Variants in SLC35F3 observed in about 807,000 individuals in gnomAD.
SLC35F3 encodes putative thiamine transporter SLC35F3.
Under a neutral mutation model 49.9 loss-of-function variants are expected in SLC35F3, and 25 were observed. The observed-to-expected ratio is 0.50, with a 90% CI of 0.37 to 0.70. The LOEUF (loss-of-function observed/expected upper bound fraction) is 0.70. SLC35F3 is among the 30% of genes least tolerant of loss of function. The pLI is 0.00. For missense variants in SLC35F3, 525 were observed against 639.8 expected (o/e 0.82, Z 1.94); for synonymous variants, 275 against 265.4 (o/e 1.04, Z -0.35).
At position 233,912,578 on chromosome 1, in the gene SLC35F3, C is replaced by T. The variant is rs74675420; in HGVS notation, c.283+6820C>T. 8.4e-4 allele frequency among the ~76,000 whole-genome samples: 128 copies of T among 152,300 alleles called. 2 individuals carry two copies. In the East Asian group the frequency reaches 0.022, roughly 26 times the overall value. On this transcript the variant is annotated intron_variant, in intron 2 of 7. Transcript: ENST00000366618. ...TGAAGATTAAATGAAATACAGTAGT[C>T]CCGCTTTATCGGAGGGAGAATGCAT...
chr1:234,214,797 G>A lies in SLC35F3; in HGVS notation c.284-16620G>A. ...GCAGGAGTGAGCTGCTGCGGCGAGTGAGCACCCGGCTCCCCAACCCTCTCC... is the reference window on the plus strand; with the variant it reads ...GCAGGAGTGAGCTGCTGCGGCGAGTAAGCACCCGGCTCCCCAACCCTCTCC... On this transcript the variant is annotated intron_variant, in intron 2 of 7. Transcript: ENST00000366618. This position sits in a 1 kb window ranked among gnomAD's most constrained non-coding sequence, Gnocchi z 8.0. 7.6e-6 allele frequency: 4 copies of A among 524,226 alleles called. No individual in the cohort carries two copies. The highest frequency in any genetic ancestry group is 1.2e-5 in the Non-Finnish European group (4 of 320,410). 32.5% of individuals were successfully genotyped at this position (524,226 alleles called of 1,614,324 possible).
intron 2 of SLC35F3, among the ~76,000 whole-genome samples, chr1:233,923,617 T>C (rs1429940251): frequency 2.0e-5 from 3 of 152,186 alleles, no homozygotes; most frequent in East Asian, 1.9e-4. Context: ...ACTTCCTCTT[T>C]TCCTAATTGA....
intron 2 of SLC35F3, among the ~76,000 whole-genome samples, chr1:234,183,126 C>T (rs113634655): frequency 0.059 from 8,368 of 142,924 alleles, 1,033 homozygotes; most frequent in African/African-American, 0.19. Flanking sequence ...AAGCAATTCT[C>T]ATGCCTCAGC....
chr1:234,231,265 T>G lies in SLC35F3; in HGVS notation c.284-152T>G, dbSNP rs1026816286. On this transcript the variant is annotated intron_variant, in intron 2 of 7. Transcript: ENST00000366618. The surrounding 1 kb of genome is among the most constrained non-coding windows in gnomAD (Gnocchi z 5.4). Reference sequence around the variant, plus strand: ...GCAAACGTTTTCTATTGCAGCTTGCTGTCACACAGCCGCCCTGGAAGCCGC... The same window carrying G: ...GCAAACGTTTTCTATTGCAGCTTGCGGTCACACAGCCGCCCTGGAAGCCGC... The G allele has an allele frequency of 1.6e-6, 1 of 628,176 alleles. No individual in the cohort carries two copies. The highest frequency in any genetic ancestry group is 2.7e-6 in the Non-Finnish European group (1 of 369,312). 38.9% of individuals were successfully genotyped at this position (628,176 alleles called of 1,614,324 possible). A position where few individuals can be genotyped will look rare whatever the true frequency, so the allele number is the denominator to read the frequency against.
chr1:233,922,453 T>C (rs1358996960), intron 2 of SLC35F3, among the ~76,000 whole-genome samples: 1 of 151,774 alleles, frequency 6.6e-6, no homozygotes, highest in African/African-American at 2.4e-5. Context: ...TTGAGAAGTG[T>C]CTGTTCATAT....
intron 2 of SLC35F3, among the ~76,000 whole-genome samples, chr1:234,156,668 G>A (rs1666157019): frequency 6.6e-6 from 1 of 152,108 alleles, no homozygotes; most frequent in South Asian, 2.1e-4. Flanking sequence ...TTGTATAGGA[G>A]TGTTCAGAGC....
At chr1:234,220,727 G>A (rs1197567900) in intron 2 of SLC35F3, among the ~76,000 whole-genome samples, 1 of 152,216 alleles carries the variant, frequency 6.6e-6, no homozygotes, top group Non-Finnish European at 1.5e-5. Flanking sequence ...TAGGAAGGCT[G>A]AAAAGAGCCA....
chr1:234,117,910 ATATGTGTGTGTGTGTGTGTG>A (rs1401683065), intron 2 of SLC35F3, among the ~76,000 whole-genome samples: 45 of 79,732 alleles, frequency 5.6e-4, no homozygotes, highest in Non-Finnish European at 7.4e-4. Context: ...AAAAGACTAT[ATATGTGTGTGTGTGTGTGTG>A]TGTGTGTGTG....
At chr1:234,139,999 T>TAAAATAAAATAAA (rs1299007462) in intron 2 of SLC35F3, among the ~76,000 whole-genome samples, 1 of 110,004 alleles carries the variant, frequency 9.1e-6, no homozygotes, top group Non-Finnish European at 2.2e-5. Flanking sequence ...TAAAATAAAA[T>TAAAATAAAATAAA]AAAGTAAGTG....
chr1:234,323,141 ACT>A lies in SLC35F3; in HGVS notation c.1373_1374del (p.Leu458GlnfsTer38). The A allele has an allele frequency of 6.2e-7, 1 of 1,613,904 alleles. No individual in the cohort carries two copies. The highest frequency in any genetic ancestry group is 1.3e-5 in the African/African-American group (1 of 74,920). ...DVWLIKLLTR[L>X]KVRKKEEPAE... is the part of the protein sequence containing the mutation. ...TCTGGTTGATCAAGCTGCTCACCCG[ACT>A]CAAAGTGAGGAAGAAGGAGGAGCCT... On this transcript the variant is annotated frameshift_variant, in exon 8 of 8. Transcript: ENST00000366618. LOFTEE classifies it high-confidence loss of function. This position sits in a 1 kb window ranked among gnomAD's most constrained non-coding sequence, Gnocchi z 4.5.
rs1657605344 is a variant in SLC35F3, at chr1:234,320,963, AC to A, written c.1237+777del. Reference sequence around the variant, plus strand: ...TGAATCTGTCCTCCCCAGAACACTCACTCCTTTGTCCCTGGCACAGCTTCCT... The same window carrying A: ...TGAATCTGTCCTCCCCAGAACACTCATCCTTTGTCCCTGGCACAGCTTCCT... On this transcript the variant is annotated intron_variant, in intron 7 of 7. Transcript: ENST00000366618. This position sits in a 1 kb window ranked among gnomAD's most constrained non-coding sequence, Gnocchi z 4.8. Among the ~76,000 whole-genome samples the A allele has an allele frequency of 6.7e-6, 1 of 148,254 alleles. No individual in the cohort carries two copies. Among genetic ancestry groups the A allele is most frequent in the Admixed American group, 6.7e-5 (1 of 14,828 alleles).
chr1:234,201,882 C>A (rs1301836936), intron 2 of SLC35F3, among the ~76,000 whole-genome samples: 2 of 147,752 alleles, frequency 1.4e-5, no homozygotes, highest in South Asian at 2.2e-4. Flanking sequence ...CACTGCACTC[C>A]AGCCTGGGCT....
intron 2 of SLC35F3, among the ~76,000 whole-genome samples, chr1:233,907,164 A>G (rs1445276001): frequency 6.6e-6 from 1 of 152,222 alleles, no homozygotes; most frequent in Non-Finnish European, 1.5e-5. Flanking sequence ...GCAATTTTCT[A>G]TTCTTATTTC....
intron 2 of SLC35F3, among the ~76,000 whole-genome samples, chr1:234,035,019 G>C (rs1015234511): frequency 3.9e-5 from 6 of 152,102 alleles, no homozygotes; most frequent in African/African-American, 1.4e-4. Context: ...TGTCTTCGTA[G>C]GTAAATCTTT....
At chr1:234,093,982 T>G (rs1423675692) in intron 2 of SLC35F3, among the ~76,000 whole-genome samples, 1 of 152,194 alleles carries the variant, frequency 6.6e-6, no homozygotes, top group Non-Finnish European at 1.5e-5. Context: ...CAGCCAGCGC[T>G]GTCCAAGCAG....
intron 4 of SLC35F3, among the ~76,000 whole-genome samples, chr1:234,313,184 CT>C (rs1657402466): frequency 6.6e-6 from 1 of 152,146 alleles, no homozygotes; most frequent in South Asian, 2.1e-4. Context: ...GCCTTGCCAC[CT>C]TCTAGCAAGA....
intron 7 of SLC35F3, among the ~76,000 whole-genome samples, chr1:234,321,836 G>C (rs1208882449): frequency 6.6e-6 from 1 of 152,052 alleles, no homozygotes; most frequent in East Asian, 1.9e-4. Context: ...GGGACTGGCT[G>C]GTTGGCTCTC....
chr1:234,177,712 T>G (rs1666497120), intron 2 of SLC35F3, among the ~76,000 whole-genome samples: 1 of 152,200 alleles, frequency 6.6e-6, no homozygotes, highest in Admixed American at 6.5e-5. Context: ...GGTAAGAATT[T>G]GCAAATCAGG....
intron 2 of SLC35F3, chr1:234,212,907 G>T (rs184936183): frequency 6.6e-6 from 1 of 152,268 alleles, no homozygotes; most frequent in African/African-American, 2.4e-5. Flanking sequence ...TGTAAGAGGC[G>T]TATAATGTGG....
Sources: allele counts gnomAD v4.1 joint callset (sites outside exome capture counted in the v4.1 genomes callset), GRCh38; gene constraint gnomAD v4.1.1; non-coding constraint Gnocchi (gnomAD v3.1); transcripts MANE v1.5; gene names NCBI Gene and HGNC (gene_info 2026-07-23, HGNC 2026-07-21).